The following RECQL4 variants were observed in gnomAD, a reference collection of about 807,000 sequenced individuals.
RECQL4 encodes RecQ like helicase 4.
A neutral mutation model predicts 128.6 loss-of-function variants in RECQL4; 158 were observed. That is an observed-to-expected ratio of 1.23 (90% confidence interval 1.08 to 1.40). The LOEUF is 1.40. RECQL4 is among the 40% of genes most tolerant of loss of function. The pLI is 0.00. For synonymous variants in RECQL4, 996 were observed against 678.9 expected, an observed-to-expected ratio of 1.47 and a Z score of -7.26; for missense variants, 2,293 against 1,649.8, an observed-to-expected ratio of 1.39 and a Z score of -6.75.
chr8:144,516,626 G>A lies in RECQL4; in HGVS notation c.493C>T (p.Pro165Ser), dbSNP rs766897765. 1 of 1,610,390 alleles carries A rather than the reference G, an allele frequency of 6.2e-7. No homozygotes were observed. The highest frequency in any genetic ancestry group is 1.3e-5 in the African/African-American group (1 of 74,760). Residue 165 changes from proline to serine, a missense_variant, in exon 5 of 21, where the codon CCC becomes TCC. Pro to Ser is a moderately conservative substitution (Grantham distance 74, BLOSUM62 -1). Transcript: ENST00000617875. Reference protein sequence around the residue: ...VSDEPPQLPEPQPRPGRLQHL... With the variant: ...VSDEPPQLPESQPRPGRLQHL... ...TGGAGCCGGCCTGGCCTTGGCTGGG[G>A]CTCAGGGAGCTGTGGAGGCTCATCA...
intron 4 of RECQL4, 93 bp downstream of exon 4, chr8:144,516,957 G>A (rs1389038031): frequency 6.6e-6 from 10 of 1,517,268 alleles, no homozygotes; most frequent in East Asian, 2.3e-5. Flanking sequence ...ACAGGGGCCC[G>A]TGCCTGTCTG....
rs371327041 is a variant in RECQL4, at chr8:144,512,862, C to G, written c.2740G>C (p.Asp914His). 1.2e-6 allele frequency: 2 copies of G among 1,602,870 alleles called. No homozygotes were observed. The highest frequency in any genetic ancestry group is 4.5e-5 in the East Asian group (2 of 44,466). ...LPIQLTVQAL[D>H]MPEEAIETLL... ...GGTTCCTCACCCTCCTCCGGCATGTCCAAAGCCTGTACGGTAAGCTGTATT... is the reference window on the plus strand; with the variant it reads ...GGTTCCTCACCCTCCTCCGGCATGTGCAAAGCCTGTACGGTAAGCTGTATT... The change falls in exon 15 of 21, where the codon GAC becomes CAC. Residue 914 changes from aspartate to histidine, a missense_variant. Physicochemically the swap from Asp to His is moderately conservative, Grantham distance 81. Coordinates refer to ENST00000617875, the MANE Select transcript of RECQL4 (RefSeq NM_004260.4).
In RECQL4 at chr8:144,515,947, GAGGGAA is replaced by G. The variant is rs1828110944; in HGVS notation, c.1131+35_1131+40del. 1.9e-6 allele frequency: 3 copies of G among 1,611,994 alleles called. No homozygotes were observed. The Admixed American group carries it at 5.0e-5, about 27-fold the overall frequency. On this transcript the variant is annotated intron_variant, in intron 5 of 20. Transcript: ENST00000617875. Reference sequence around the variant, plus strand: ...GCGGGAAATACGGGAGGGCTGAGGGGAGGGAAAGGGAATGCCTGTCCTGGCCCGTCG... The same window carrying G: ...GCGGGAAATACGGGAGGGCTGAGGGGAGGGAATGCCTGTCCTGGCCCGTCG...
intron 9 of RECQL4, 39 bp from the exon 10 acceptor site, chr8:144,514,564 A>G (rs1365728748): frequency 6.3e-7 from 1 of 1,584,410 alleles, no homozygotes; most frequent in African/African-American, 1.3e-5. Flanking sequence ...ACGCCAGCCC[A>G]GCCCTGGCCC....
In RECQL4 at chr8:144,515,082, G is replaced by A. The variant is rs1307887954; in HGVS notation, c.1484-10C>T. On this transcript the variant is annotated splice_polypyrimidine_tract_variant and intron_variant, in intron 8 of 20. Transcript: ENST00000617875. ...AGCAGCGTGGAGATGCCTGGATGGG[G>A]CGGGAGTCAGCAGCAGGGTTCTGCA... 9.4e-6 allele frequency: 15 copies of A among 1,599,968 alleles called. No individual in the cohort carries two copies. Among genetic ancestry groups the A allele is most frequent in the Non-Finnish European group, 1.3e-5 (15 of 1,174,368 alleles).
At chr8:144,511,866 G>C (rs533732397) in intron 19 of RECQL4, 45 bp downstream of exon 19, 6 of 1,610,148 alleles carry the variant, frequency 3.7e-6, no homozygotes, top group Non-Finnish European at 5.1e-6. Context: ...ATGCAGCCCA[G>C]GGAACCTGCA....
rs373637337 is a variant in RECQL4 at position 144,515,298 on chromosome 8, G to A, written c.1390+28C>T. On this transcript the variant is annotated intron_variant, in intron 7 of 20. Coordinates refer to ENST00000617875, the MANE Select transcript of RECQL4 (RefSeq NM_004260.4). The stretch of plus-strand genomic sequence containing the variant: ...TGAGTCACCCCAACCCCTCAGTGAA[G>A]GCTCTGGGCCAGAAGCTGACTGCTC... The A allele has an allele frequency of 5.6e-6, 9 of 1,611,458 alleles. No individual in the cohort carries two copies. In the African/African-American group the frequency reaches 1.1e-4, roughly 19 times the overall value.
rs1445577376 is a variant in RECQL4, at chr8:144,517,750, T to TGCAGCCGCTCCCGCACGTCCC, written c.14_34dup (p.Arg5_Leu11dup). On this transcript the variant is annotated inframe_insertion, in exon 1 of 21. Transcript: ENST00000617875. Reference sequence around the variant, plus strand: ...CCGTCGGAACGCGCGCTCCCACGCCTGCAGCCGCTCCCGCACGTCCCGCAG... The same window carrying TGCAGCCGCTCCCGCACGTCCC: ...CCGTCGGAACGCGCGCTCCCACGCCTGCAGCCGCTCCCGCACGTCCCGCAGCCGCTCCCGCACGTCCCGCAG... The TGCAGCCGCTCCCGCACGTCCC allele has an allele frequency of 1.7e-5, 23 of 1,328,334 alleles. No homozygotes were observed. Among genetic ancestry groups the TGCAGCCGCTCCCGCACGTCCC allele is most frequent in the African/African-American group, 4.6e-5 (3 of 64,728 alleles). 82.3% of individuals were successfully genotyped at this position (1,328,334 alleles called of 1,614,324 possible).
Position 144,517,146 on chromosome 8 carries a change from C to A in RECQL4, c.258G>T (p.Ala86=). 1 of 1,611,182 alleles carries A rather than the reference C, an allele frequency of 6.2e-7. No homozygotes were observed. The highest frequency in any genetic ancestry group is 8.5e-7 in the Non-Finnish European group (1 of 1,179,450). Reference sequence around the variant, plus strand: ...CTGGCGTAGACTGTGGACTCTTGGTCGCAGCCCGATTCAGATGGGGCCCCC... The same window carrying A: ...CTGGCGTAGACTGTGGACTCTTGGTAGCAGCCCGATTCAGATGGGGCCCCC... The part of the protein sequence containing the change: ...RCWGPHLNRA[A]TKSPQSTPGR... Residue 86 remains alanine (A), a synonymous_variant, in exon 4 of 21, where the codon GCG becomes GCT. Coordinates refer to ENST00000617875, the MANE Select transcript of RECQL4 (RefSeq NM_004260.4).
At position 144,513,439 on chromosome 8, in the gene RECQL4, T is replaced by G. The variant is rs370755504; in HGVS notation, c.2242A>C (p.Met748Leu). 2.5e-6 allele frequency: 4 copies of G among 1,609,684 alleles called. No individual in the cohort carries two copies. In the African/African-American group the frequency reaches 5.3e-5, roughly 21 times the overall value. The change falls in exon 14 of 21, where the codon ATG (methionine) becomes CTG (leucine). Residue 748 changes from methionine (M) to leucine (L), a missense_variant. Transcript: ENST00000617875. ...ACCCGCCGCCGTTCCCGGCTGCACATGCCCGCGTGGTAGGCCTCGGCTGTG... is the reference window on the plus strand; with the variant it reads ...ACCCGCCGCCGTTCCCGGCTGCACAGGCCCGCGTGGTAGGCCTCGGCTGTG... ...KTTAEAYHAG[M>L]CSRERRRVQR... is the part of the protein sequence containing the mutation.
At position 144,515,898 on chromosome 8, in the gene RECQL4, G is replaced by T. The variant is rs370660188; in HGVS notation, c.1132-8C>A. 4.9e-5 allele frequency: 79 copies of T among 1,612,674 alleles called. No individual in the cohort carries two copies. The highest frequency in any genetic ancestry group is 6.4e-5 in the Non-Finnish European group (75 of 1,179,782). On this transcript the variant is annotated splice_polypyrimidine_tract_variant and splice_region_variant and intron_variant, in intron 5 of 20. Coordinates refer to ENST00000617875, the MANE Select transcript of RECQL4 (RefSeq NM_004260.4). ...CCACTTCTGCTTCCATGCCTGGGGG[G>T]TGCCCACATAGGAGGGTCACTGGGC...
intron 6 of RECQL4, 24 bp from the exon 7 acceptor site, chr8:144,515,481 A>C: frequency 6.2e-7 from 1 of 1,612,374 alleles, no homozygotes; most frequent in South Asian, 1.1e-5. Flanking sequence ...GAGAGGGTAG[A>C]ATGGGAGCTC....
Position 144,516,229 on chromosome 8 carries a change from T to C in RECQL4, c.890A>G (p.Asp297Gly), listed in dbSNP as rs2130720496. ...TGCCTGTACAGGTTCCCCTGGAGGG[T>C]CTTCCTCAACTGCTACAGCCCCAGC... Reference protein sequence around the residue: ...EGAGAVAVEEDPPGEPVQAQP... With the variant: ...EGAGAVAVEEGPPGEPVQAQP... The change falls in exon 5 of 21, where the codon GAC becomes GGC. Residue 297 changes from aspartate (D) to glycine (G), a missense_variant. Asp to Gly is a moderately conservative substitution (Grantham distance 94). Transcript: ENST00000617875. The C allele has an allele frequency of 1.2e-6, 2 of 1,612,806 alleles. No homozygotes were observed. Among genetic ancestry groups the C allele is most frequent in the Non-Finnish European group, 1.7e-6 (2 of 1,179,788 alleles).
rs772219901 is a variant in RECQL4 at position 144,514,261 on chromosome 8, G to A, written c.1806C>T (p.Ala602=). The change falls in exon 11 of 21, where the codon GCC becomes GCT. Residue 602 remains alanine, a synonymous_variant. Transcript: ENST00000617875. ...AGAGGCAGTGGGCCTCATCAATGCA[G>A]GCAAAAGCAACTGGAGGCAGCTGTG... The part of the protein sequence containing the change: ...PAAQLPPVAF[A]CIDEAHCLSQ... 2 of 1,612,228 alleles carry A rather than the reference G, an allele frequency of 1.2e-6. No homozygotes were observed. Among genetic ancestry groups the A allele is most frequent in the Non-Finnish European group, 1.7e-6 (2 of 1,179,694 alleles).
At chr8:144,517,384 G>C in intron 3 of RECQL4, 30 bp downstream of exon 3, 1 of 1,541,586 alleles carries the variant, frequency 6.5e-7, no homozygotes, top group Middle Eastern at 2.2e-4. Flanking sequence ...AGGGAAGTGG[G>C]AGGAGGCTGG....
rs2130672409 is a variant in RECQL4 at position 144,513,049 on chromosome 8, T to C, written c.2553A>G (p.Pro851=). ...AVKRLVQRVF[P]ACTCTCTRPP... Reference sequence around the variant, plus strand: ...GCCTGGTGCAGGTGCAGGTGCAGGCTGGGAACACGCGCTGTACCAGCCTCT... The same window carrying C: ...GCCTGGTGCAGGTGCAGGTGCAGGCCGGGAACACGCGCTGTACCAGCCTCT... Residue 851 remains proline (P), a synonymous_variant, in exon 15 of 21, where the codon CCA becomes CCG. Coordinates refer to ENST00000617875, the MANE Select transcript of RECQL4 (RefSeq NM_004260.4). The C allele has an allele frequency of 6.3e-7, 1 of 1,576,344 alleles. No individual in the cohort carries two copies. The highest frequency in any genetic ancestry group is 8.6e-7 in the Non-Finnish European group (1 of 1,161,202).
At chr8:144,514,648 T>C in intron 9 of RECQL4, 123 bp from the exon 10 acceptor site, 1 of 1,093,846 alleles carries the variant, frequency 9.1e-7, no homozygotes, top group Non-Finnish European at 1.3e-6. Flanking sequence ...AGGTCCTGGG[T>C]CCTAGGGCTA....
In RECQL4 at chr8:144,515,462, G is replaced by C; in HGVS notation, c.1259-5C>G. The C allele has an allele frequency of 6.2e-7, 1 of 1,612,620 alleles. No individual in the cohort carries two copies. Among genetic ancestry groups the C allele is most frequent in the Non-Finnish European group, 8.5e-7 (1 of 1,179,816 alleles). ...CATCTGTGTCTTCCTCACTTGCTGG[G>C]GCAGGCAGGAGAGGGTAGAATGGGA... is the stretch of plus-strand genomic sequence containing the variant. On this transcript the variant is annotated splice_region_variant and splice_polypyrimidine_tract_variant and intron_variant, in intron 6 of 20. Coordinates refer to ENST00000617875, the MANE Select transcript of RECQL4 (RefSeq NM_004260.4).
chr8:144,514,622 A>G, intron 9 of RECQL4, 97 bp from the exon 10 acceptor site: 2 of 1,273,888 alleles, frequency 1.6e-6, no homozygotes, highest in Non-Finnish European at 2.2e-6. Flanking sequence ...CTAGTCCCTC[A>G]GGGGAGAGGA....
Sources: allele counts gnomAD v4.1 joint callset, GRCh38; gene constraint gnomAD v4.1.1; transcripts MANE v1.5; gene names NCBI Gene and HGNC (gene_info 2026-07-23, HGNC 2026-07-21).